The following AKT3 variants were observed in gnomAD, a reference collection of about 807,000 sequenced individuals.
AKT3 encodes the protein AKT serine/threonine kinase 3.
AKT3 carries 15 observed loss-of-function variants against 65.3 expected under a neutral mutation model. The observed-to-expected ratio is 0.23, with a 90% CI of 0.15 to 0.35. AKT3 has a LOEUF of 0.35. AKT3 is among the 10% of genes least tolerant of loss of function. The probability of loss-of-function intolerance (pLI) is 1.00; values close to 1 mark genes in which losing one functional copy is unlikely to be tolerated. For missense variants in AKT3, 243 were observed against 576.5 expected, an observed-to-expected ratio of 0.42 and a Z score of 5.92; for synonymous variants, 206 against 183.8, an observed-to-expected ratio of 1.12 and a Z score of -0.98.
rs1671117704 is a variant in AKT3, at chr1:243,526,778, T to TAAAAAAAAAAAAAAAAAA, written c.1252-14353_1252-14352insTTTTTTTTTTTTTTTTTT. Among the ~76,000 whole-genome samples the TAAAAAAAAAAAAAAAAAA allele has an allele frequency of 4.5e-4, 25 of 55,726 alleles. 9 individuals are homozygous for TAAAAAAAAAAAAAAAAAA. The highest frequency in any genetic ancestry group is 6.1e-4 in the East Asian group (1 of 1,648). The allele number at this position is 55,726 out of a possible 152,430, so 36.6% of individuals were successfully genotyped here. On this transcript the variant is annotated intron_variant, in intron 12 of 13. Coordinates refer to ENST00000673466, the MANE Select transcript of AKT3 (RefSeq NM_005465.7). ...TTGCCAGCTGCACTACAAAAAATGGTTAAAAAAAAAAAAAAAAAAAAAAAA... is the reference window on the plus strand; with the variant it reads ...TTGCCAGCTGCACTACAAAAAATGGTAAAAAAAAAAAAAAAAAATAAAAAAAAAAAAAAAAAAAAAAAA...
At chr1:243,841,876 T>G (rs1158476233) in intron 2 of AKT3, among the ~76,000 whole-genome samples, 1 of 152,096 alleles carries the variant, frequency 6.6e-6, no homozygotes, top group Non-Finnish European at 1.5e-5. Context: ...TGGATGAATA[T>G]TAACAGTATT....
chr1:243,613,102 T>TAC (rs1283607139), intron 8 of AKT3: 1 of 140,890 alleles, frequency 7.1e-6, no homozygotes, highest in Non-Finnish European at 1.5e-5. Flanking sequence ...CACACACACA[T>TAC]ATATACCCAC....
downstream of AKT3, among the ~76,000 whole-genome samples, chr1:243,497,056 A>G (rs1009382298): frequency 4.6e-5 from 7 of 152,172 alleles, no homozygotes; most frequent in South Asian, 1.2e-3. Flanking sequence ...CTGAGGGCTC[A>G]TGTCCCACTG....
chr1:243,761,619 G>A (rs184562974), intron 2 of AKT3, among the ~76,000 whole-genome samples: 70 of 152,038 alleles, frequency 4.6e-4, no homozygotes, highest in Non-Finnish European at 9.1e-4. Context: ...AATGAAATAG[G>A]CCAGTCACAA....
chr1:243,663,489 CAGGGTA>C (rs1682538492), intron 4 of AKT3, among the ~76,000 whole-genome samples: 1 of 151,782 alleles, frequency 6.6e-6, no homozygotes, highest in Admixed American at 6.6e-5. Flanking sequence ...GGTGTGCAGG[CAGGGTA>C]AGAGTTCGGG....
At chr1:243,540,217 C>A (rs527332161) in intron 12 of AKT3, among the ~76,000 whole-genome samples, 1 of 151,924 alleles carries the variant, frequency 6.6e-6, no homozygotes, top group African/African-American at 2.4e-5. Flanking sequence ...AATGTACCAA[C>A]GCTAGCAATA....
At chr1:243,751,172 G>A (rs1402539562) in intron 2 of AKT3, among the ~76,000 whole-genome samples, 1 of 151,702 alleles carries the variant, frequency 6.6e-6, no homozygotes, top group Non-Finnish European at 1.5e-5. Context: ...CTCTGAAAGA[G>A]AAGGACTTCT....
intron 2 of AKT3, among the ~76,000 whole-genome samples, chr1:243,756,564 G>A (rs1689153896): frequency 6.6e-6 from 1 of 152,168 alleles, no homozygotes; most frequent in African/African-American, 2.4e-5. Flanking sequence ...AGCCCATATT[G>A]ATAAAAATAA....
chr1:243,509,248 A>T (rs1669870710), intron 13 of AKT3, among the ~76,000 whole-genome samples: 1 of 152,194 alleles, frequency 6.6e-6, no homozygotes, highest in South Asian at 2.1e-4. Context: ...GAAGCCAAGG[A>T]ACTAGGTTCA....
At chr1:243,533,876 G>A (rs1166097491) in intron 12 of AKT3, among the ~76,000 whole-genome samples, 1 of 152,144 alleles carries the variant, frequency 6.6e-6, no homozygotes, top group Non-Finnish European at 1.5e-5. Context: ...TGTAGTCCCA[G>A]CTACTCGGGA....
intron 2 of AKT3, among the ~76,000 whole-genome samples, chr1:243,830,247 G>A (rs1243482858): frequency 2.6e-5 from 4 of 152,212 alleles, no homozygotes; most frequent in East Asian, 1.9e-4. Context: ...ATTTAAAGAT[G>A]ATTTAAAGCA....
intron 2 of AKT3, among the ~76,000 whole-genome samples, chr1:243,697,350 T>C (rs1402078721): frequency 6.6e-6 from 1 of 151,918 alleles, no homozygotes; most frequent in Non-Finnish European, 1.5e-5. Flanking sequence ...GTATGTTGTT[T>C]TGGTTTAAAT....
rs115341565 is a variant in AKT3, at chr1:243,566,130, T to C, written c.820-2282A>G. ...TCTCCACGTTTTGACAAAGCTATTT[T>C]TGAAGTGGCTGGATACAGAAAAACC... is the stretch of plus-strand genomic sequence containing the variant. On this transcript the variant is annotated intron_variant, in intron 9 of 13. Transcript: ENST00000673466. 7.5e-3 allele frequency among the ~76,000 whole-genome samples: 1,138 copies of C among 152,300 alleles called. 18 individuals carry two copies. Among genetic ancestry groups the C allele is most frequent in the African/African-American group, 0.026 (1,088 of 41,566 alleles).
At chr1:243,716,731 A>G (rs1005532223) in intron 2 of AKT3, among the ~76,000 whole-genome samples, 3 of 152,212 alleles carry the variant, frequency 2.0e-5, no homozygotes, top group Admixed American at 6.5e-5. Flanking sequence ...GTTGTGGAAA[A>G]AAGAACGAAA....
intron 2 of AKT3, among the ~76,000 whole-genome samples, chr1:243,759,522 G>A (rs958492229): frequency 1.3e-5 from 2 of 150,994 alleles, no homozygotes; most frequent in Non-Finnish European, 3.0e-5. Context: ...TAACATGATG[G>A]GTAATGAATA....
intron 12 of AKT3, among the ~76,000 whole-genome samples, chr1:243,525,063 A>G (rs59862652): frequency 0.013 from 2,005 of 152,250 alleles, 49 homozygotes; most frequent in African/African-American, 0.047. Flanking sequence ...AGGAGGTGAA[A>G]TTCCAGAAAA....
At chr1:243,532,241 G>C (rs1477190530) in intron 12 of AKT3, among the ~76,000 whole-genome samples, 1 of 152,132 alleles carries the variant, frequency 6.6e-6, no homozygotes, top group African/African-American at 2.4e-5. Context: ...TGTGAGCTGA[G>C]GGTTTTCCAA....
chr1:243,571,665 T>C (rs1215889504), intron 9 of AKT3, among the ~76,000 whole-genome samples: 1 of 152,228 alleles, frequency 6.6e-6, no homozygotes, highest in Non-Finnish European at 1.5e-5. Context: ...CATTTTGTCA[T>C]GCCACATAAC....
At chr1:243,834,371 T>C (rs963121808) in intron 2 of AKT3, among the ~76,000 whole-genome samples, 1 of 152,156 alleles carries the variant, frequency 6.6e-6, no homozygotes, top group Non-Finnish European at 1.5e-5. Context: ...TGGATGGAGC[T>C]GGAGGGTATT....
Sources: gnomAD v4.1 joint callset for allele counts (sites outside exome capture counted in the v4.1 genomes callset) on GRCh38, gnomAD v4.1.1 for gene constraint, MANE v1.5 for transcripts, NCBI Gene and HGNC (gene_info 2026-07-23, HGNC 2026-07-21) for gene names.